Variants in ASRGL1 observed in about 807,000 individuals in gnomAD.
The protein encoded by ASRGL1 is isoaspartyl peptidase/L-asparaginase.
A neutral mutation model predicts 22.4 loss-of-function variants in ASRGL1; 16 were observed. The ratio of observed to expected loss-of-function variants is 0.71; its 90% CI spans 0.48 to 1.08. The LOEUF (loss-of-function observed/expected upper bound fraction) is 1.08. Among genes scored for constraint, ASRGL1 ranks in the 50% least tolerant of loss-of-function variants. The probability of loss-of-function intolerance (pLI) is 0.00; values close to 1 mark genes in which losing one functional copy is unlikely to be tolerated. For missense variants in ASRGL1, 412 were observed against 410.1 expected (o/e 1.00, Z -0.04); for synonymous variants, 165 against 159.3 (o/e 1.04, Z -0.27).
At chr11:62,375,536 AAT>A (rs1399226727) in intron 4 of ASRGL1, among the ~76,000 whole-genome samples, 3 of 145,916 alleles carry the variant, frequency 2.1e-5, no homozygotes, top group African/African-American at 7.5e-5. Flanking sequence ...AAAAAATAAA[AAT>A]AAAAAATAAA....
intron 4 of ASRGL1, chr11:62,381,774 A>G (rs1291331592): frequency 1.3e-5 from 2 of 152,128 alleles, no homozygotes; most frequent in African/African-American, 4.8e-5. Flanking sequence ...ATTTACTTTC[A>G]GTTTGCCCCA....
At chr11:62,350,818 C>T (rs1946150696) in intron 2 of ASRGL1, among the ~76,000 whole-genome samples, 1 of 152,006 alleles carries the variant, frequency 6.6e-6, no homozygotes, top group Non-Finnish European at 1.5e-5. Flanking sequence ...TAAAATTATC[C>T]ACTTTGCCTA....
intron 4 of ASRGL1, among the ~76,000 whole-genome samples, chr11:62,369,139 C>A (rs533081021): frequency 6.6e-6 from 1 of 152,250 alleles, no homozygotes; most frequent in South Asian, 2.1e-4. Context: ...CTTTGCTAGG[C>A]AGAGGTCCCT....
At chr11:62,348,548 C>G (rs1175312635) in intron 2 of ASRGL1, among the ~76,000 whole-genome samples, 2 of 151,690 alleles carry the variant, frequency 1.3e-5, no homozygotes, top group African/African-American at 2.4e-5. Flanking sequence ...ACTAAAAATA[C>G]AAAAATTAGC....
At chr11:62,398,286 C>T (rs1465037662), downstream of ASRGL1, among the ~76,000 whole-genome samples, 2 of 152,024 alleles carry the variant, frequency 1.3e-5, no homozygotes, top group Non-Finnish European at 2.9e-5. Context: ...CTGCCCCCAC[C>T]CTTCCTCAGC....
chr11:62,353,332 T>G (rs889168197), intron 2 of ASRGL1, among the ~76,000 whole-genome samples: 1 of 148,598 alleles, frequency 6.7e-6, no homozygotes, highest in African/African-American at 2.4e-5. Context: ...CATTGAAGCA[T>G]TTTTATGATG....
intron 4 of ASRGL1, among the ~76,000 whole-genome samples, chr11:62,379,907 T>G (rs1947021001): frequency 6.6e-6 from 1 of 152,132 alleles, no homozygotes; most frequent in Admixed American, 6.5e-5. Context: ...TCTATCAAAT[T>G]TAGAATTTGA....
chr11:62,355,469 C>T (rs1946261329), intron 2 of ASRGL1, among the ~76,000 whole-genome samples: 1 of 151,974 alleles, frequency 6.6e-6, no homozygotes, highest in South Asian at 2.1e-4. Flanking sequence ...CATGATCTGC[C>T]CGCCTCGGCC....
intron 5 of ASRGL1, 68 bp downstream of exon 5, chr11:62,389,319 T>C (rs768260319): frequency 8.2e-6 from 11 of 1,343,818 alleles, no homozygotes; most frequent in Non-Finnish European, 1.2e-5. Flanking sequence ...TCACTCTCTA[T>C]TCCCTGCCCC....
chr11:62,349,000 ACT>A (rs1283054326), intron 2 of ASRGL1, among the ~76,000 whole-genome samples: 3 of 150,612 alleles, frequency 2.0e-5, no homozygotes, highest in Non-Finnish European at 4.4e-5. Context: ...ATGGAGTCTC[ACT>A]CTGTCGCCCA....
intron 4 of ASRGL1, among the ~76,000 whole-genome samples, chr11:62,367,767 T>C (rs1946651229): frequency 2.0e-5 from 3 of 149,748 alleles, no homozygotes; most frequent in Middle Eastern, 7.0e-3. Flanking sequence ...CATAGTAAAA[T>C]CCCATCTCTA....
At chr11:62,340,442 C>T (rs10437726) in intron 2 of ASRGL1, among the ~76,000 whole-genome samples, 51,581 of 152,030 alleles carry the variant, frequency 0.34, 10,101 homozygotes, top group Middle Eastern at 0.48. Flanking sequence ...GCACTCAGCA[C>T]CCCCTGGGCT....
chr11:62,388,387 C>A (rs973747030), intron 4 of ASRGL1, among the ~76,000 whole-genome samples: 19 of 152,160 alleles, frequency 1.2e-4, no homozygotes, highest in Non-Finnish European at 2.1e-4. Context: ...GCAGGATCAG[C>A]CAGGCACAGT....
chr11:62,392,177 T>G lies in ASRGL1; in HGVS notation c.820T>G (p.Trp274Gly), dbSNP rs1478758215. The G allele has an allele frequency of 2.5e-6, 4 of 1,614,092 alleles. No individual in the cohort carries two copies. Among genetic ancestry groups the G allele is most frequent in the Admixed American group, 1.7e-5 (1 of 60,008 alleles). ...GLIVVSKTGDWVAKWTSTSMP... is the reference protein window; with the variant it reads ...GLIVVSKTGDGVAKWTSTSMP... ...CATCGTGGTTAGCAAAACAGGAGACTGGGTGGCAAAGTGGACCTCCACCTC... is the reference window on the plus strand; with the variant it reads ...CATCGTGGTTAGCAAAACAGGAGACGGGGTGGCAAAGTGGACCTCCACCTC... The change falls in exon 7 of 7, where the codon TGG becomes GGG. Residue 274 changes from tryptophan to glycine, a missense_variant. Physicochemically the swap from Trp to Gly is radical, Grantham distance 184. Transcript: ENST00000415229.
intron 2 of ASRGL1, among the ~76,000 whole-genome samples, chr11:62,341,120 G>A (rs541843398): frequency 6.6e-6 from 1 of 151,814 alleles, no homozygotes. Context: ...GGAGCTCAGC[G>A]ATATTTACAC....
chr11:62,373,980 A>G (rs1392878232), intron 4 of ASRGL1, among the ~76,000 whole-genome samples: 1 of 152,186 alleles, frequency 6.6e-6, no homozygotes, highest in East Asian at 1.9e-4. Context: ...GCCTTGTCAC[A>G]CGCACTCGCC....
At chr11:62,340,048 G>C (rs1026873156) in intron 2 of ASRGL1, among the ~76,000 whole-genome samples, 4 of 151,582 alleles carry the variant, frequency 2.6e-5, no homozygotes, top group African/African-American at 9.7e-5. Context: ...GATCACTTGA[G>C]CTCAGGAGTT....
At chr11:62,382,958 T>C (rs1947109799) in intron 4 of ASRGL1, 1 of 152,122 alleles carries the variant, frequency 6.6e-6, no homozygotes, top group South Asian at 2.1e-4. Flanking sequence ...CGACACAGGG[T>C]TGGGGTAGGG....
At chr11:62,370,173 CCA>C (rs1418161101) in intron 4 of ASRGL1, among the ~76,000 whole-genome samples, 1 of 152,002 alleles carries the variant, frequency 6.6e-6, no homozygotes, top group African/African-American at 2.4e-5. Context: ...GTGAGGCCTC[CCA>C]CAGTCGGTCC....
Sources: gnomAD v4.1 joint callset for allele counts (sites outside exome capture counted in the v4.1 genomes callset) on GRCh38, gnomAD v4.1.1 for gene constraint, MANE v1.5 for transcripts, NCBI Gene and HGNC (gene_info 2026-07-23, HGNC 2026-07-21) for gene names.